Variants in MRPL45 observed in about 807,000 individuals in gnomAD.
MRPL45 encodes the protein large ribosomal subunit protein mL45.
MRPL45 carries 20 observed loss-of-function variants against 38.1 expected under a neutral mutation model. The ratio of observed to expected loss-of-function variants is 0.53; its 90% CI spans 0.37 to 0.76. MRPL45 has a LOEUF of 0.76. MRPL45 is among the 30% of genes least tolerant of loss of function. MRPL45 has a pLI of 0.00. For synonymous variants in MRPL45, 105 were observed against 128.8 expected (o/e 0.82, Z 1.25); for missense variants, 337 against 395.6 (o/e 0.85, Z 1.26).
chr17:38,314,939 CTA>C (rs1376342449), intron 4 of MRPL45, among the ~76,000 whole-genome samples: 11 of 152,202 alleles, frequency 7.2e-5, no homozygotes, highest in Admixed American at 7.2e-4. Flanking sequence ...CGCTCTGCTC[CTA>C]TATGTCTCTC....
At chr17:38,312,843 C>CA (rs575003890) in intron 4 of MRPL45, among the ~76,000 whole-genome samples, 133,386 of 148,088 alleles carry the variant, frequency 0.9, 60,151 homozygotes, top group East Asian at 1. Context: ...GAGACTGTCT[C>CA]AAAAAAAAAA....
intron 4 of MRPL45, among the ~76,000 whole-genome samples, chr17:38,308,525 C>G (rs1236384761): frequency 2.6e-5 from 4 of 151,940 alleles, no homozygotes; most frequent in African/African-American, 9.7e-5. Context: ...ACTGCAACCT[C>G]TGCCTCCCAG....
intron 4 of MRPL45, 81 bp from the exon 5 acceptor site, chr17:38,318,606 C>T (rs1440260025): frequency 9.9e-7 from 1 of 1,007,292 alleles, no homozygotes; most frequent in South Asian, 1.4e-5. Flanking sequence ...GAATTGTTTT[C>T]CATTTTCAGG....
intron 3 of MRPL45, among the ~76,000 whole-genome samples, chr17:38,305,066 C>T (rs1417857227): frequency 6.6e-6 from 1 of 151,156 alleles, no homozygotes; most frequent in Admixed American, 6.6e-5. Flanking sequence ...AGGATGATCT[C>T]GAGCTCCTGA....
At chr17:38,319,672 A>T in intron 5 of MRPL45, among the ~76,000 whole-genome samples, 1 of 152,222 alleles carries the variant, frequency 6.6e-6, no homozygotes, top group Non-Finnish European at 1.5e-5. Flanking sequence ...ATACTAGGCC[A>T]CATCTCCACA....
chr17:38,318,596 G>T, intron 4 of MRPL45, 91 bp from the exon 5 acceptor site: 1 of 930,002 alleles, frequency 1.1e-6, no homozygotes, highest in Non-Finnish European at 1.7e-6. Flanking sequence ...TTGTAAAAAT[G>T]AATTGTTTTC....
In MRPL45 at chr17:38,320,633, A is replaced by C; in HGVS notation, c.526A>C (p.Ile176Leu). 5.6e-6 allele frequency: 9 copies of C among 1,614,198 alleles called. No individual in the cohort carries two copies. Among genetic ancestry groups the C allele is most frequent in the Non-Finnish European group, 7.6e-6 (9 of 1,180,034 alleles). The change falls in exon 6 of 8, where the codon ATC becomes CTC. Residue 176 changes from isoleucine (I) to leucine (L), a missense_variant. Ile to Leu is a conservative substitution (Grantham distance 5). Transcript: ENST00000613675. ...TTGCCCTTAGGACATGACTTGGGAC[A>C]TCAAATATAAGACCGTCCGCTGGAG... ...EHCFPDMTWDIKYKTVRWSFV... is the reference protein window; with the variant it reads ...EHCFPDMTWDLKYKTVRWSFV...
chr17:38,307,733 C>T (rs1338958478), intron 4 of MRPL45, among the ~76,000 whole-genome samples: 2 of 152,124 alleles, frequency 1.3e-5, no homozygotes, highest in Admixed American at 6.6e-5. Flanking sequence ...AAGTACTAGC[C>T]GTGGACTGTT....
At chr17:38,300,123 A>T (rs1164299288) in intron 3 of MRPL45, among the ~76,000 whole-genome samples, 6 of 151,754 alleles carry the variant, frequency 4.0e-5, no homozygotes, top group Admixed American at 3.9e-4. Flanking sequence ...GGTTCAAGAG[A>T]TTCTCCTGCC....
At position 38,298,455 on chromosome 17, in the gene MRPL45, C is replaced by CTGG. The variant is rs2036958431; in HGVS notation, c.76_78dup (p.Val26dup). The CTGG allele has an allele frequency of 6.2e-7, 1 of 1,613,092 alleles. No homozygotes were observed. Among genetic ancestry groups the CTGG allele is most frequent in the Non-Finnish European group, 8.5e-7 (1 of 1,179,574 alleles). ...CCTTTCCTTTACCTTCCAGCCAGTT[C>CTGG]TGGTGACTCAGTCCGCAGCTATAGT... On this transcript the variant is annotated inframe_insertion, in exon 2 of 8. Coordinates refer to ENST00000613675, the MANE Select transcript of MRPL45 (RefSeq NM_032351.6).
intron 1 of MRPL45, among the ~76,000 whole-genome samples, chr17:38,298,234 T>G (rs2036956602): frequency 6.6e-6 from 1 of 152,142 alleles, no homozygotes; most frequent in African/African-American, 2.4e-5. Context: ...AGGAAAGCCT[T>G]TAGTAAATGT....
At position 38,299,460 on chromosome 17, in the gene MRPL45, A is replaced by G. The variant is rs375995780; in HGVS notation, c.354A>G (p.Ser118=). The G allele has an allele frequency of 2.1e-5, 34 of 1,596,078 alleles. No individual in the cohort carries two copies. Among genetic ancestry groups the G allele is most frequent in the Non-Finnish European group, 2.7e-5 (32 of 1,176,162 alleles). ...RTERMKKTMA[S]QVSIRRIKDY... ...AACGAATGAAGAAGACTATGGCATC[A>G]CAAGTGTCGTAGGTGTCTGAGACAA... Residue 118 remains serine (S), a synonymous_variant, in exon 3 of 8, where the codon TCA becomes TCG. Coordinates refer to ENST00000613675, the MANE Select transcript of MRPL45 (RefSeq NM_032351.6).
At position 38,322,260 on chromosome 17, in the gene MRPL45, C is replaced by T; in HGVS notation, c.795C>T (p.Ile265=). Residue 265 remains isoleucine (I), a synonymous_variant, in exon 7 of 8, where the codon ATC becomes ATT. Coordinates refer to ENST00000613675, the MANE Select transcript of MRPL45 (RefSeq NM_032351.6). The part of the protein sequence containing the change: ...PYGSWRMHTK[I]VPPWAPPKQP... ...GAAGCTGGAGAATGCATACCAAGAT[C>T]GTTCCCCCATGGGCACCCCCTAAGC... 1.9e-6 allele frequency: 3 copies of T among 1,614,112 alleles called. No homozygotes were observed. Among genetic ancestry groups the T allele is most frequent in the Non-Finnish European group, 2.5e-6 (3 of 1,180,028 alleles).
At chr17:38,319,872 G>A (rs1215883167) in intron 5 of MRPL45, among the ~76,000 whole-genome samples, 3 of 152,188 alleles carry the variant, frequency 2.0e-5, no homozygotes, top group Non-Finnish European at 4.4e-5. Flanking sequence ...GGAGGCCGAG[G>A]CGGGCGGATC....
chr17:38,306,416 A>AG (rs2037055009), intron 3 of MRPL45, 117 bp from the exon 4 acceptor site: 1 of 1,363,150 alleles, frequency 7.3e-7, no homozygotes, highest in Non-Finnish European at 9.9e-7. Context: ...AAAAGAAAAA[A>AG]AAAAAAAAGC....
chr17:38,301,870 C>T (rs1347399149), intron 3 of MRPL45, among the ~76,000 whole-genome samples: 4 of 152,082 alleles, frequency 2.6e-5, no homozygotes, highest in South Asian at 2.1e-4. Context: ...GTAATCCCAG[C>T]GCTTTGGGAT....
At chr17:38,301,992 C>T (rs868323240) in intron 3 of MRPL45, among the ~76,000 whole-genome samples, 18 of 151,648 alleles carry the variant, frequency 1.2e-4, no homozygotes, top group African/African-American at 4.1e-4. Flanking sequence ...TGGTGGGCGC[C>T]TGTAGTCCCA....
chr17:38,318,348 A>G (rs904312800), intron 4 of MRPL45, among the ~76,000 whole-genome samples: 1 of 151,990 alleles, frequency 6.6e-6, no homozygotes, highest in African/African-American at 2.4e-5. Context: ...AGCAAAAATC[A>G]GGTCCTATGT....
At chr17:38,318,614 A>G in intron 4 of MRPL45, 73 bp from the exon 5 acceptor site, 1 of 1,101,900 alleles carries the variant, frequency 9.1e-7, no homozygotes, top group Non-Finnish European at 1.4e-6. Flanking sequence ...TTCCATTTTC[A>G]GGACCATTTT....
Sources: gnomAD v4.1 joint callset for allele counts (sites outside exome capture counted in the v4.1 genomes callset) on GRCh38, gnomAD v4.1.1 for gene constraint, MANE v1.5 for transcripts, NCBI Gene and HGNC (gene_info 2026-07-23, HGNC 2026-07-21) for gene names.